Variants in PCDH20 observed in about 807,000 individuals in gnomAD.
PCDH20 encodes the protein protocadherin-20.
In PCDH20, 18 loss-of-function variants were observed where a neutral mutation model predicts 39.7. That is an observed-to-expected ratio of 0.45 (90% CI 0.31 to 0.67). PCDH20 has a LOEUF of 0.67. Among genes scored for constraint, PCDH20 ranks in the 30% least tolerant of loss-of-function variants. The pLI is 0.05. For missense variants in PCDH20, 1,161 were observed against 1,167.4 expected, an observed-to-expected ratio of 0.99 and a Z score of 0.08; for synonymous variants, 495 against 455.4, an observed-to-expected ratio of 1.09 and a Z score of -1.11.
At chr13:61,415,374 A>C (rs1236085355) in exon 1 of PCDH20, 1 of 484,362 alleles carries the variant, frequency 2.1e-6, no homozygotes, top group Non-Finnish European at 3.2e-6. Context: ...CTGCCAGAGG[A>C]GCTGGAATGG....
chr13:61,413,817 C>A, exon 2 of PCDH20: 1 of 1,613,062 alleles, frequency 6.2e-7, no homozygotes, highest in East Asian at 2.2e-5. Flanking sequence ...TCCCTGCAGA[C>A]CTGGGCAGCA....
chr13:61,413,418 T>G, exon 2 of PCDH20: 1 of 1,613,492 alleles, frequency 6.2e-7, no homozygotes, highest in Non-Finnish European at 8.5e-7. Flanking sequence ...CTATGGCCAG[T>G]CGGGTGTTTA....
intron 1 of PCDH20, among the ~76,000 whole-genome samples, chr13:61,414,724 A>C (rs1334532454): frequency 1.3e-5 from 2 of 152,198 alleles, no homozygotes; most frequent in African/African-American, 4.8e-5. Context: ...ATTCATAGCC[A>C]GACGCCAGCA....
chr13:61,410,363 G>T (rs753545453), exon 2 of PCDH20: 11 of 152,042 alleles, frequency 7.2e-5, no homozygotes, highest in Non-Finnish European at 1.6e-4. Context: ...TATAAAGTAC[G>T]ACCAACAAGT....
At chr13:61,412,744 G>A (rs751419926) in exon 2 of PCDH20, 4 of 1,613,968 alleles carry the variant, frequency 2.5e-6, no homozygotes, top group African/African-American at 1.3e-5. Context: ...GGTGAAAAAC[G>A]CAATGGGAGT....
exon 2 of PCDH20, chr13:61,413,506 G>A: frequency 3.1e-6 from 5 of 1,613,956 alleles, no homozygotes; most frequent in Non-Finnish European, 4.2e-6. Flanking sequence ...GTCTCTGATG[G>A]CGATCTTCAC....
exon 1 of PCDH20, chr13:61,415,044 T>C: frequency 6.6e-7 from 1 of 1,522,162 alleles, no homozygotes; most frequent in Non-Finnish European, 8.9e-7. Context: ...TTCCTGTAGC[T>C]GGTGCTGCTC....
At chr13:61,411,246 A>G (rs201605208) in exon 2 of PCDH20, 1 of 1,605,522 alleles carries the variant, frequency 6.2e-7, no homozygotes, top group East Asian at 2.2e-5. Context: ...TGAAATATCA[A>G]ATATTAGAAA....
chr13:61,412,143 A>G, exon 2 of PCDH20: 7 of 1,614,130 alleles, frequency 4.3e-6, no homozygotes, highest in Non-Finnish European at 5.9e-6. Context: ...CATAGCCTGG[A>G]AAGTTTTCAG....
exon 2 of PCDH20, chr13:61,413,347 T>C (rs1871454035): frequency 6.2e-7 from 1 of 1,613,894 alleles, no homozygotes; most frequent in South Asian, 1.1e-5. Flanking sequence ...ACCATGGTAG[T>C]CCAGTAAGCG....
exon 2 of PCDH20, chr13:61,412,137 G>A (rs1182755582): frequency 6.2e-7 from 1 of 1,614,060 alleles, no homozygotes; most frequent in Non-Finnish European, 8.5e-7. Context: ...TCTCACCATA[G>A]CCTGGAAAGT....
At chr13:61,411,641 A>G in exon 2 of PCDH20, 1 of 1,614,206 alleles carries the variant, frequency 6.2e-7, no homozygotes, top group Non-Finnish European at 8.5e-7. Flanking sequence ...TTCACCAGTA[A>G]GCGATGGAGC....
chr13:61,412,502 G>C, exon 2 of PCDH20: 1 of 1,614,146 alleles, frequency 6.2e-7, no homozygotes, highest in Non-Finnish European at 8.5e-7. Context: ...AGGAAAATTG[G>C]AGCATTATCA....
exon 2 of PCDH20, chr13:61,412,707 C>T (rs765484039): frequency 1.2e-6 from 2 of 1,613,972 alleles, no homozygotes; most frequent in African/African-American, 2.7e-5. Flanking sequence ...AGCAGTTAAC[C>T]TTGTATTTAC....
intron 1 of PCDH20, 118 bp downstream of exon 1, chr13:61,414,909 C>T: frequency 8.3e-7 from 1 of 1,210,748 alleles, no homozygotes; most frequent in Non-Finnish European, 1.1e-6. Context: ...CCTCCCGGCG[C>T]CATCCTTCCC....
At position 61,415,431 on chromosome 13, in the gene PCDH20, C is replaced by T; in HGVS notation, c.-273G>A. ...CGAAGAGGCAGCTCGGGGTTGGGCA[C>T]AGTAGCGCTTACCTACCAGCCTCCT... is the stretch of plus-strand genomic sequence containing the variant. On this transcript the variant is annotated 5_prime_UTR_variant, in exon 1 of 2. It adds an upstream start codon to the 5' untranslated region. Coordinates refer to ENST00000409204, the Ensembl canonical transcript of PCDH20. 3.0e-6 allele frequency: 1 copy of T among 332,658 alleles called. No homozygotes were observed. Among genetic ancestry groups the T allele is most frequent in the Non-Finnish European group, 5.4e-6 (1 of 186,298 alleles). The allele number at this position is 332,658 out of a possible 1,614,324, so 20.6% of individuals were successfully genotyped here.
exon 2 of PCDH20, chr13:61,409,861 T>C (rs1878210392): frequency 6.6e-6 from 1 of 152,070 alleles, no homozygotes; most frequent in Non-Finnish European, 1.5e-5. Context: ...AAAGAAATTA[T>C]GAAAATATAT....
exon 2 of PCDH20, chr13:61,411,432 G>A: frequency 1.2e-6 from 2 of 1,614,012 alleles, no homozygotes; most frequent in South Asian, 1.1e-5. Context: ...GAGCTACTAA[G>A]GTGGGCATAC....
At chr13:61,413,438 T>C (rs757399757) in exon 2 of PCDH20, 2 of 1,613,480 alleles carry the variant, frequency 1.2e-6, no homozygotes, top group African/African-American at 1.3e-5. Flanking sequence ...ACAGGTGCAT[T>C]TTCCGGGACC....
Sources: allele counts gnomAD v4.1 joint callset (sites outside exome capture counted in the v4.1 genomes callset), GRCh38; gene constraint gnomAD v4.1.1; transcripts MANE v1.5; gene names NCBI Gene and HGNC (gene_info 2026-07-23, HGNC 2026-07-21).